Variants in PRUNE2 observed in about 807,000 individuals in gnomAD.
PRUNE2 encodes prune homolog 2 with BCH domain.
PRUNE2 carries 164 observed loss-of-function variants against 252.0 expected under a neutral mutation model. The ratio of observed to expected loss-of-function variants is 0.65; its 90% CI spans 0.57 to 0.74. PRUNE2 has a LOEUF of 0.74. PRUNE2 is among the 30% of genes least tolerant of loss of function. PRUNE2 has a pLI of 0.00. For synonymous variants in PRUNE2, 1,292 were observed against 1,350.2 expected, an observed-to-expected ratio of 0.96 and a Z score of 0.94; for missense variants, 3,495 against 3,711.0, an observed-to-expected ratio of 0.94 and a Z score of 1.51.
At chr9:76,644,669 C>T (rs1475630935) in intron 12 of PRUNE2, 70 bp downstream of exon 12, 1 of 1,462,028 alleles carries the variant, frequency 6.8e-7, no homozygotes, top group East Asian at 2.3e-5. Context: ...GAAGTCTAGA[C>T]TCACTTCATG....
intron 1 of PRUNE2, among the ~76,000 whole-genome samples, chr9:76,903,411 G>A (rs1318632501): frequency 6.7e-6 from 1 of 149,308 alleles, no homozygotes; most frequent in African/African-American, 2.5e-5. Context: ...AGGCTTTTTT[G>A]TTTGTTTGTT....
chr9:76,761,622 A>G (rs570451595), intron 6 of PRUNE2, among the ~76,000 whole-genome samples: 3 of 152,280 alleles, frequency 2.0e-5, no homozygotes, highest in African/African-American at 4.8e-5. Context: ...TTTATACTTT[A>G]GACATTTTAC....
At chr9:76,796,485 C>T (rs1441478953) in intron 6 of PRUNE2, among the ~76,000 whole-genome samples, 5 of 152,160 alleles carry the variant, frequency 3.3e-5, no homozygotes, top group African/African-American at 7.2e-5. Flanking sequence ...CATTTTGGCA[C>T]GGCCCCCACC....
rs761915191 is a variant in PRUNE2, at chr9:76,705,914, G to A, written c.6360C>T (p.His2120=). ...CTTCAGGTCCCATGCAAGCACTGAG[G>A]TGCTTCTCAGTCTCTTGCTTTGCTT... ...DSEAKQETEK[H]LSACMGPEVE... Residue 2120 remains histidine, a synonymous_variant, in exon 8 of 19, where the codon CAC becomes CAT. Transcript: ENST00000376718. 7 of 1,613,804 alleles carry A rather than the reference G, an allele frequency of 4.3e-6. No individual in the cohort carries two copies. Among genetic ancestry groups the A allele is most frequent in the Non-Finnish European group, 5.9e-6 (7 of 1,179,890 alleles).
rs1216965176 is a variant in PRUNE2, at chr9:76,815,493, G to A, written c.756+8139C>T. ...TGGCAAAAGGGACAAACATGTCCCC[G>A]CAAGCCGTTTTATAAAGGCACTCAT... is the stretch of plus-strand genomic sequence containing the variant. On this transcript the variant is annotated intron_variant, in intron 6 of 18. Transcript: ENST00000376718. Among the ~76,000 whole-genome samples the A allele has an allele frequency of 4.6e-5, 7 of 152,174 alleles. No individual in the cohort carries two copies. The East Asian group carries it at 9.7e-4, about 21-fold the overall frequency.
rs1844239685 is a variant in PRUNE2 at position 76,645,069 on chromosome 9, GC to G, written c.8558-161del. 16 of 636,462 alleles carry G rather than the reference GC, an allele frequency of 2.5e-5. No individual in the cohort carries two copies. The South Asian group carries it at 3.0e-4, about 12-fold the overall frequency. 39.4% of individuals were successfully genotyped at this position (636,462 alleles called of 1,614,324 possible). ...CTGATCAAAGTCCTTGTTTTGTACA[GC>G]CTTTACAGAGCTTAGCACTATCCTG... On this transcript the variant is annotated intron_variant, in intron 11 of 18. Coordinates refer to ENST00000376718, the MANE Select transcript of PRUNE2 (RefSeq NM_015225.3).
At chr9:76,678,078 T>C (rs2042921308) in intron 9 of PRUNE2, among the ~76,000 whole-genome samples, 1 of 152,110 alleles carries the variant, frequency 6.6e-6, no homozygotes, top group Non-Finnish European at 1.5e-5. Flanking sequence ...TATTATATTC[T>C]CTGGGGATTG....
intron 6 of PRUNE2, 84 bp downstream of exon 6, chr9:76,823,548 T>G (rs1564377558): frequency 1.2e-6 from 1 of 820,132 alleles, no homozygotes; most frequent in Non-Finnish European, 2.2e-6. Context: ...CATGGACTTA[T>G]CCAATGGAGA....
At chr9:76,698,273 G>A (rs139353966) in intron 9 of PRUNE2, among the ~76,000 whole-genome samples, 2 of 151,684 alleles carry the variant, frequency 1.3e-5, no homozygotes, top group African/African-American at 2.4e-5. Context: ...TCTCAAACTC[G>A]TGACCTCAGG....
intron 18 of PRUNE2, chr9:76,615,045 C>A: frequency 1.1e-6 from 1 of 949,320 alleles, no homozygotes; most frequent in East Asian, 1.1e-4. Context: ...AACAAAACAA[C>A]ACCAAACATT....
intron 1 of PRUNE2, among the ~76,000 whole-genome samples, chr9:76,879,383 TCAA>T (rs1343120055): frequency 6.6e-6 from 1 of 152,224 alleles, no homozygotes; most frequent in Non-Finnish European, 1.5e-5. Context: ...TATGCTATAC[TCAA>T]CAACATTTGA....
At chr9:76,723,959 T>C (rs976046721) in intron 6 of PRUNE2, among the ~76,000 whole-genome samples, 10 of 151,204 alleles carry the variant, frequency 6.6e-5, no homozygotes, top group Non-Finnish European at 1.0e-4. Context: ...AGGCGCCTGC[T>C]ACCACGCTCG....
At chr9:76,846,756 T>C in intron 3 of PRUNE2, 78 bp from the exon 4 acceptor site, 1 of 1,305,438 alleles carries the variant, frequency 7.7e-7, no homozygotes, top group Non-Finnish European at 1.1e-6. Context: ...AAATCTCTGC[T>C]CTCACACAAA....
intron 2 of PRUNE2, among the ~76,000 whole-genome samples, chr9:76,852,806 GTCTATCTATCTATCTA>G (rs71354689): frequency 0.04 from 3,035 of 76,516 alleles, 38 homozygotes; most frequent in African/African-American, 0.081. Flanking sequence ...CTGTCTGTCT[GTCTATCTATCTATCTA>G]TCTATCTATC....
Position 76,774,460 on chromosome 9 carries a change from T to TATTTATTTATTTATTTATTTA in PRUNE2, c.756+49171_756+49172insTAAATAAATAAATAAATAAAT, listed in dbSNP as rs1564272674. On this transcript the variant is annotated intron_variant, in intron 6 of 18. Transcript: ENST00000376718. ...GCCTCCAGTTCAACCCTTTTTTTTTTTTTTTTTTTTTTTTTTTGAGATGGA... is the reference window on the plus strand; with the variant it reads ...GCCTCCAGTTCAACCCTTTTTTTTTTATTTATTTATTTATTTATTTATTTTTTTTTTTTTTTTTGAGATGGA... Among the ~76,000 whole-genome samples the TATTTATTTATTTATTTATTTA allele has an allele frequency of 3.8e-3, 530 of 138,654 alleles. 3 individuals are homozygous for TATTTATTTATTTATTTATTTA. The highest frequency in any genetic ancestry group is 7.7e-3 in the South Asian group (33 of 4,296). 91.0% of individuals were successfully genotyped at this position (138,654 alleles called of 152,430 possible).
intron 9 of PRUNE2, chr9:76,692,283 C>T: frequency 1.6e-6 from 1 of 636,970 alleles, no homozygotes; most frequent in Non-Finnish European, 2.8e-6. Flanking sequence ...ACAGCTGGGG[C>T]TGTGCTGAGT....
At chr9:76,616,738 T>C (rs1829884778) in intron 18 of PRUNE2, among the ~76,000 whole-genome samples, 1 of 152,122 alleles carries the variant, frequency 6.6e-6, no homozygotes, top group South Asian at 2.1e-4. Flanking sequence ...AGGAAACCAC[T>C]TGGAAGGTTA....
intron 14 of PRUNE2, 118 bp downstream of exon 14, chr9:76,637,300 C>G: frequency 1.0e-6 from 1 of 970,040 alleles, no homozygotes. Flanking sequence ...TTTATTTGAT[C>G]TTATTGAGAC....
intron 1 of PRUNE2, among the ~76,000 whole-genome samples, chr9:76,901,927 C>G (rs185570498): frequency 1.3e-5 from 2 of 152,320 alleles, no homozygotes; most frequent in East Asian, 3.9e-4. Context: ...CTGGTGACAG[C>G]TGACAACATC....
Sources: allele counts gnomAD v4.1 joint callset (sites outside exome capture counted in the v4.1 genomes callset), GRCh38; gene constraint gnomAD v4.1.1; transcripts MANE v1.5; gene names NCBI Gene and HGNC (gene_info 2026-07-23, HGNC 2026-07-21).